TARBP1: variants seen among roughly 807,000 people sequenced by gnomAD.
TARBP1 encodes tRNA (guanosine(18)-2'-O)-methyltransferase TARBP1.
In TARBP1, 144 loss-of-function variants were observed where a neutral mutation model predicts 178.6. The observed-to-expected ratio is 0.81, with a 90% CI of 0.70 to 0.93. The LOEUF (loss-of-function observed/expected upper bound fraction) is 0.93. Ranked by LOEUF, TARBP1 falls within the 40% of genes least tolerant of loss-of-function variation. TARBP1 has a pLI of 0.00. For missense variants in TARBP1, 2,067 were observed against 2,011.7 expected (o/e 1.03, Z -0.53); for synonymous variants, 787 against 781.0 (o/e 1.01, Z -0.13).
At chr1:234,461,051 G>A (rs12126005) in intron 6 of TARBP1, among the ~76,000 whole-genome samples, 4,846 of 152,224 alleles carry the variant, frequency 0.032, 119 homozygotes, top group Non-Finnish European at 0.044. Flanking sequence ...AATGAGAAGC[G>A]ACTATTAACA....
intron 3 of TARBP1, among the ~76,000 whole-genome samples, chr1:234,468,659 TCTC>T (rs1668704683): frequency 6.6e-6 from 1 of 151,998 alleles, no homozygotes; most frequent in Admixed American, 6.6e-5. Context: ...TCCTTCAACA[TCTC>T]CTCATTGTTC....
rs183600002 is a variant in TARBP1, at chr1:234,441,451, T to C, written c.2135-4079A>G. ...CTACAGTAACCAAAACCTTGTGGTA[T>C]TGGCAAAGGAATAAACACTTAGATC... is the stretch of plus-strand genomic sequence containing the variant. On this transcript the variant is annotated intron_variant, in intron 12 of 29. Transcript: ENST00000040877. 1.8e-4 allele frequency among the ~76,000 whole-genome samples: 27 copies of C among 152,348 alleles called. No homozygotes were observed. The East Asian group carries it at 3.1e-3, about 17-fold the overall frequency.
intron 12 of TARBP1, among the ~76,000 whole-genome samples, chr1:234,443,125 T>C (rs1665764296): frequency 6.6e-6 from 1 of 151,934 alleles, no homozygotes; most frequent in Admixed American, 6.6e-5. Context: ...ACCCTGTTTC[T>C]AATAAAAATA....
rs1472522668 is a variant in TARBP1 at position 234,451,523 on chromosome 1, G to A, written c.1723-957C>T. Among the ~76,000 whole-genome samples the A allele has an allele frequency of 2.3e-4, 8 of 34,364 alleles. 2 individuals carry two copies. The highest frequency in any genetic ancestry group is 4.3e-4 in the Admixed American group (1 of 2,322). The allele number at this position is 34,364 out of a possible 152,430, so 22.5% of individuals were successfully genotyped here. ...AGCACTTTGGGAGGCCGAGGCGGGC[G>A]GATCACGAGGTCAGGAGATCGAGAC... is the stretch of plus-strand genomic sequence containing the variant. On this transcript the variant is annotated intron_variant, in intron 9 of 29. Transcript: ENST00000040877.
At chr1:234,401,317 G>T in intron 24 of TARBP1, 55 bp from the exon 25 acceptor site, 1 of 1,360,012 alleles carries the variant, frequency 7.4e-7, no homozygotes, top group Non-Finnish European at 1.0e-6. Context: ...CTCTGGTGAG[G>T]GGAGAATCAA....
At chr1:234,430,326 T>A (rs1664295835) in intron 14 of TARBP1, 25 bp from the exon 15 acceptor site, 6 of 1,601,420 alleles carry the variant, frequency 3.7e-6, no homozygotes, top group Non-Finnish European at 5.1e-6. Flanking sequence ...TGACAATGTT[T>A]TATTTAATAT....
chr1:234,415,836 C>T (rs1247108084), intron 22 of TARBP1, among the ~76,000 whole-genome samples: 1 of 152,188 alleles, frequency 6.6e-6, no homozygotes, highest in South Asian at 2.1e-4. Context: ...TGAGCCTCCC[C>T]TGTTCCTGCC....
intron 12 of TARBP1, among the ~76,000 whole-genome samples, chr1:234,438,752 A>C (rs1665289240): frequency 6.6e-6 from 1 of 152,236 alleles, no homozygotes; most frequent in African/African-American, 2.4e-5. Flanking sequence ...AAAACTTTCC[A>C]AATCTGATAA....
intron 23 of TARBP1, among the ~76,000 whole-genome samples, chr1:234,408,440 T>C (rs1402072661): frequency 6.6e-6 from 1 of 152,172 alleles, no homozygotes; most frequent in Non-Finnish European, 1.5e-5. Flanking sequence ...AACCCCCTTC[T>C]TGTCTGGGGA....
intron 14 of TARBP1, among the ~76,000 whole-genome samples, chr1:234,432,650 G>A (rs1381642288): frequency 6.6e-6 from 1 of 152,158 alleles, no homozygotes; most frequent in Non-Finnish European, 1.5e-5. Context: ...CTGGAGGAGA[G>A]GGCACTCATT....
At chr1:234,469,139 A>G (rs1276095569) in intron 3 of TARBP1, among the ~76,000 whole-genome samples, 1 of 144,304 alleles carries the variant, frequency 6.9e-6, no homozygotes, top group East Asian at 2.1e-4. Context: ...CATGTACTGG[A>G]CACTAAGTAA....
At chr1:234,437,763 C>T (rs1665178060) in intron 12 of TARBP1, among the ~76,000 whole-genome samples, 1 of 152,202 alleles carries the variant, frequency 6.6e-6, no homozygotes, top group African/African-American at 2.4e-5. Flanking sequence ...TAACCAGATG[C>T]AGAAGCAGTC....
chr1:234,433,971 T>C (rs777495716), intron 13 of TARBP1, among the ~76,000 whole-genome samples: 1 of 152,226 alleles, frequency 6.6e-6, no homozygotes, highest in Non-Finnish European at 1.5e-5. Flanking sequence ...AAAAGATCAC[T>C]GTCCCACTTT....
chr1:234,474,523 A>AAATT (rs1669404353), intron 1 of TARBP1, among the ~76,000 whole-genome samples: 1 of 152,196 alleles, frequency 6.6e-6, no homozygotes, highest in Non-Finnish European at 1.5e-5. Flanking sequence ...ATAGACTCCT[A>AAATT]TCAAAACTGT....
At position 234,396,180 on chromosome 1, in the gene TARBP1, G is replaced by A. The variant is rs149824160; in HGVS notation, c.4243+2202C>T. Reference sequence around the variant, plus strand: ...AAAACAGGCAGAACAGACAGACCTCGTTAGCCATTCTGCCATTCCAGTAAC... The same window carrying A: ...AAAACAGGCAGAACAGACAGACCTCATTAGCCATTCTGCCATTCCAGTAAC... On this transcript the variant is annotated intron_variant, in intron 26 of 29. Coordinates refer to ENST00000040877, the MANE Select transcript of TARBP1 (RefSeq NM_005646.4). 8.1e-3 allele frequency among the ~76,000 whole-genome samples: 1,233 copies of A among 152,280 alleles called. 8 individuals are homozygous for A. Among genetic ancestry groups the A allele is most frequent in the Middle Eastern group, 0.014 (4 of 294 alleles).
At chr1:234,458,643 A>G (rs1667534912) in intron 8 of TARBP1, among the ~76,000 whole-genome samples, 1 of 152,244 alleles carries the variant, frequency 6.6e-6, no homozygotes, top group South Asian at 2.1e-4. Flanking sequence ...CCCTGTAGTA[A>G]GCAATATTTA....
intron 22 of TARBP1, among the ~76,000 whole-genome samples, chr1:234,417,274 A>C (rs1334568803): frequency 6.6e-6 from 1 of 152,234 alleles, no homozygotes; most frequent in Non-Finnish European, 1.5e-5. Flanking sequence ...AGGAAAAGTC[A>C]ACAGAACAAG....
intron 11 of TARBP1, among the ~76,000 whole-genome samples, chr1:234,447,421 G>A (rs57593501): frequency 0.086 from 10,788 of 126,046 alleles, 741 homozygotes; most frequent in East Asian, 0.28. Context: ...TTGAGATGGG[G>A]TCTCACTCTG....
At chr1:234,393,605 A>T in intron 27 of TARBP1, 41 bp downstream of exon 27, 1 of 1,590,678 alleles carries the variant, frequency 6.3e-7, no homozygotes, top group Non-Finnish European at 8.6e-7. Flanking sequence ...GTTGAAGACC[A>T]AAAGCTTTCA....
Sources: gnomAD v4.1 joint callset for allele counts (sites outside exome capture counted in the v4.1 genomes callset) on GRCh38, gnomAD v4.1.1 for gene constraint, MANE v1.5 for transcripts, NCBI Gene and HGNC (gene_info 2026-07-23, HGNC 2026-07-21) for gene names.